The following SLC22A24 variants were observed in gnomAD, a reference collection of about 807,000 sequenced individuals.
The protein encoded by SLC22A24 is solute carrier family 22 member 24.
Under a neutral mutation model 49.8 loss-of-function variants are expected in SLC22A24, and 53 were observed. That is an observed-to-expected ratio of 1.06 (90% CI 0.85 to 1.34). SLC22A24 has a LOEUF of 1.34. SLC22A24 is among the 40% of genes most tolerant of loss of function. The pLI, the probability that SLC22A24 is intolerant of heterozygous loss-of-function variation, is 0.00. For missense variants in SLC22A24, 786 were observed against 675.9 expected, an observed-to-expected ratio of 1.16 and a Z score of -1.81; for synonymous variants, 302 against 256.4, an observed-to-expected ratio of 1.18 and a Z score of -1.70.
intron 2 of SLC22A24, among the ~76,000 whole-genome samples, chr11:63,128,470 G>A (rs2087308937): frequency 1.3e-5 from 2 of 152,140 alleles, no homozygotes; most frequent in Non-Finnish European, 2.9e-5. Flanking sequence ...TGGAGGGCCT[G>A]ACATCAGTCA....
rs2086961171 is a variant in SLC22A24, at chr11:63,081,676, A to G, written c.1286-10T>C. 14 of 1,532,598 alleles carry G rather than the reference A, an allele frequency of 9.1e-6. No homozygotes were observed. The highest frequency in any genetic ancestry group is 1.2e-5 in the Non-Finnish European group (14 of 1,129,748). 94.9% of individuals were successfully genotyped at this position (1,532,598 alleles called of 1,614,324 possible). The stretch of plus-strand genomic sequence containing the variant: ...CGCAGGATCTGCATTTCTAGAGAGA[A>G]CAGTGAGAATCAGGAAATCTTGCCT... On this transcript the variant is annotated splice_polypyrimidine_tract_variant and intron_variant, in intron 7 of 9. Transcript: ENST00000612278.
Position 63,096,148 on chromosome 11 carries a change from A to T in SLC22A24, c.955-42T>A, listed in dbSNP as rs76405384. On this transcript the variant is annotated intron_variant, in intron 5 of 9. Coordinates refer to ENST00000612278, the MANE Select transcript of SLC22A24 (RefSeq NM_001136506.2). ...AACAACAAGCATTTGTGAGATGTCA[A>T]TAATGTGTCAGGCATAGTGGTAAGT... 7,693 of 1,282,296 alleles carry T rather than the reference A, an allele frequency of 6.0e-3. 320 individuals are homozygous for T. In the African/African-American group the frequency reaches 0.099, roughly 17 times the overall value. The allele number at this position is 1,282,296 out of a possible 1,614,324, so 79.4% of individuals were successfully genotyped here. A position where few individuals can be genotyped will look rare whatever the true frequency, so the allele number is the denominator to read the frequency against.
In SLC22A24 at chr11:63,096,045, GA is replaced by G. The variant is rs2087052589; in HGVS notation, c.1015del (p.Ser339ProfsTer10). 3.9e-6 allele frequency: 6 copies of G among 1,550,562 alleles called. No homozygotes were observed. The highest frequency in any genetic ancestry group is 1.2e-5 in the South Asian group (1 of 84,018). On this transcript the variant is annotated frameshift_variant, in exon 6 of 10. Transcript: ENST00000612278. LOFTEE classifies it high-confidence loss of function. Reference sequence around the variant, plus strand: ...TCGCAATTTGGGTGCACGGAACAGGGAAAAAATGGATGTTTTAATTCGGACT... The same window carrying G: ...TCGCAATTTGGGTGCACGGAACAGGGAAAAATGGATGTTTTAATTCGGACT... ...DAVRIKTSIF[S>X]LFRAPKLRMR... is the part of the protein sequence containing the mutation.
chr11:63,098,302 C>T (rs557908470), intron 5 of SLC22A24, among the ~76,000 whole-genome samples: 2 of 152,220 alleles, frequency 1.3e-5, no homozygotes, highest in African/African-American at 4.8e-5. Flanking sequence ...CATACCAAAA[C>T]CTATGGGACA....
rs114753444 is a variant in SLC22A24 at position 63,080,549 on chromosome 11, T to A, written c.1598+371A>T. Reference sequence around the variant, plus strand: ...ACATAACAGGCACTCATTGAGCCAATGTGTGATAAAACCAGGGGATGAGAA... The same window carrying A: ...ACATAACAGGCACTCATTGAGCCAAAGTGTGATAAAACCAGGGGATGAGAA... On this transcript the variant is annotated intron_variant, in intron 9 of 9. Transcript: ENST00000612278. Among the ~76,000 whole-genome samples, 394 of 152,326 alleles carry A rather than the reference T, an allele frequency of 2.6e-3. 1 individual carries two copies. Among genetic ancestry groups the A allele is most frequent in the African/African-American group, 8.8e-3 (367 of 41,572 alleles).
At position 63,116,180 on chromosome 11, in the gene SLC22A24, G is replaced by A. The variant is rs2087211827; in HGVS notation, c.830+2732C>T. On this transcript the variant is annotated intron_variant, in intron 4 of 9. Coordinates refer to ENST00000612278, the MANE Select transcript of SLC22A24 (RefSeq NM_001136506.2). ...CATTGTTGACCTGCATCTTCTTTAG[G>A]CCCTTCTTGATGTGCTTCTTGGCAA... The A allele has an allele frequency of 7.6e-6, 3 of 396,204 alleles. No homozygotes were observed. The East Asian group carries it at 1.4e-4, about 18-fold the overall frequency. The allele number at this position is 396,204 out of a possible 1,614,324, so 24.5% of individuals were successfully genotyped here. A position where few individuals can be genotyped will look rare whatever the true frequency, so the allele number is the denominator to read the frequency against.
At chr11:63,089,590 G>A (rs529867918) in intron 6 of SLC22A24, among the ~76,000 whole-genome samples, 1 of 152,206 alleles carries the variant, frequency 6.6e-6, no homozygotes, top group South Asian at 2.1e-4. Flanking sequence ...AAATGTAAAT[G>A]GGCTAAATGC....
At chr11:63,114,271 T>C (rs569330627) in intron 4 of SLC22A24, among the ~76,000 whole-genome samples, 1 of 152,326 alleles carries the variant, frequency 6.6e-6, no homozygotes, top group Non-Finnish European at 1.5e-5. Context: ...TTCTTTTTAC[T>C]CTTTTTTCTC....
rs1180542648 is a variant in SLC22A24 at position 63,119,250 on chromosome 11, C to G, written c.592G>C (p.Val198Leu). ...GCCAAGAAGCGCAGTATGCAGTAAA[C>G]AAGGAAGGTGGGAGCGAAGGCCGCA... ...TCAAFAPTFL[V>L]YCILRFLAGF... The change falls in exon 3 of 10, where the codon GTT becomes CTT. Residue 198 changes from valine (V) to leucine (L), a missense_variant. Physicochemically the swap from Val to Leu is conservative, Grantham distance 32. Coordinates refer to ENST00000612278, the MANE Select transcript of SLC22A24 (RefSeq NM_001136506.2). 25 of 1,551,468 alleles carry G rather than the reference C, an allele frequency of 1.6e-5. 1 individual carries two copies. The South Asian group carries it at 1.9e-4, about 12-fold the overall frequency.
chr11:63,108,383 G>C (rs113132716), intron 4 of SLC22A24, among the ~76,000 whole-genome samples: 19,199 of 152,132 alleles, frequency 0.13, 1,323 homozygotes, highest in Middle Eastern at 0.16. Context: ...AGGGATATTG[G>C]TCTAAAATTC....
intron 6 of SLC22A24, 77 bp downstream of exon 6, chr11:63,095,914 G>C: frequency 9.4e-7 from 1 of 1,063,100 alleles, no homozygotes; most frequent in South Asian, 1.4e-5. Context: ...TCCAAATGCT[G>C]CTGCTAATCT....
At chr11:63,120,617 G>A (rs1021552275) in intron 2 of SLC22A24, among the ~76,000 whole-genome samples, 1 of 152,052 alleles carries the variant, frequency 6.6e-6, no homozygotes, top group African/African-American at 2.4e-5. Flanking sequence ...GTGTGTCACA[G>A]ACTGGCAGGA....
intron 2 of SLC22A24, among the ~76,000 whole-genome samples, chr11:63,119,827 T>C (rs2087238805): frequency 1.3e-5 from 2 of 152,128 alleles, no homozygotes; most frequent in Non-Finnish European, 2.9e-5. Flanking sequence ...CACTCAGCTA[T>C]GTCTAGATTT....
At position 63,139,381 on chromosome 11, in the gene SLC22A24, G is replaced by A. The variant is rs79064737; in HGVS notation, c.402+3997C>T. Among the ~76,000 whole-genome samples, 789 of 152,272 alleles carry A rather than the reference G, an allele frequency of 5.2e-3. 34 individuals are homozygous for A. The East Asian group carries it at 0.12, about 22-fold the overall frequency. On this transcript the variant is annotated intron_variant, in intron 1 of 9. Coordinates refer to ENST00000612278, the MANE Select transcript of SLC22A24 (RefSeq NM_001136506.2). The stretch of plus-strand genomic sequence containing the variant: ...TGTTCTGTTTCGCATTGTGTCATCT[G>A]ACAGTTTTGAGTTTTAGGGGTATCA...
chr11:63,125,001 C>T (rs902247635), intron 2 of SLC22A24, among the ~76,000 whole-genome samples: 1 of 151,518 alleles, frequency 6.6e-6, no homozygotes, highest in Admixed American at 6.6e-5. Context: ...ATACCTAATG[C>T]TAAATGACGA....
Position 63,119,033 on chromosome 11 carries a change from G to T in SLC22A24, c.709C>A (p.Leu237Ile), listed in dbSNP as rs776791056. Reference sequence around the variant, plus strand: ...TGCCCAACACTGTAGGAACATAATAGCACCATTATTGTCATAGATCGTGAC... The same window carrying T: ...TGCCCAACACTGTAGGAACATAATATCACCATTATTGTCATAGATCGTGAC... ...PRSRSMTIMVLLCSYSVGQML... is the reference protein window; with the variant it reads ...PRSRSMTIMVILCSYSVGQML... Residue 237 changes from leucine (L) to isoleucine (I), a missense_variant, in exon 4 of 10, where the codon CTA becomes ATA. Transcript: ENST00000612278. The T allele has an allele frequency of 6.4e-7, 1 of 1,551,550 alleles. No individual in the cohort carries two copies. The highest frequency in any genetic ancestry group is 8.7e-7 in the Non-Finnish European group (1 of 1,146,904).
At chr11:63,109,596 AG>A (rs1209122408) in intron 4 of SLC22A24, among the ~76,000 whole-genome samples, 1 of 150,108 alleles carries the variant, frequency 6.7e-6, no homozygotes, top group Non-Finnish European at 1.5e-5. Context: ...TCTGATGGCC[AG>A]TGATGGTGAG....
In SLC22A24 at chr11:63,107,126, T is replaced by C. The variant is rs991713407; in HGVS notation, c.831-2828A>G. 3.3e-5 allele frequency among the ~76,000 whole-genome samples: 5 copies of C among 152,272 alleles called. No homozygotes were observed. The South Asian group carries it at 8.3e-4, about 25-fold the overall frequency. On this transcript the variant is annotated intron_variant, in intron 4 of 9. Coordinates refer to ENST00000612278, the MANE Select transcript of SLC22A24 (RefSeq NM_001136506.2). ...TTTTGTATAAGGTGTAAGGAAGGGA[T>C]CCAGTTTCAGCTTTCTACATATGGC...
At chr11:63,080,054 G>T in intron 9 of SLC22A24, 54 bp from the exon 10 acceptor site, 1 of 1,208,856 alleles carries the variant, frequency 8.3e-7, no homozygotes, top group South Asian at 1.3e-5. Flanking sequence ...AAATAAATAA[G>T]ATATAGATTA....
Sources: gnomAD v4.1 joint callset for allele counts (sites outside exome capture counted in the v4.1 genomes callset) on GRCh38, gnomAD v4.1.1 for gene constraint, MANE v1.5 for transcripts, NCBI Gene and HGNC (gene_info 2026-07-23, HGNC 2026-07-21) for gene names.